B3GALT1: variants seen among roughly 807,000 people sequenced by gnomAD.
The protein encoded by B3GALT1 is UDP-Gal:betaGlcNAc beta 1,3-galactosyltransferase, polypeptide 1.
A neutral mutation model predicts 23.2 loss-of-function variants in B3GALT1; 10 were observed. The observed-to-expected ratio is 0.43, with a 90% CI of 0.27 to 0.73. B3GALT1 has a LOEUF of 0.73. B3GALT1 is among the 30% of genes least tolerant of loss of function. The pLI, the probability that B3GALT1 is intolerant of heterozygous loss-of-function variation, is 0.21. For synonymous variants in B3GALT1, 156 were observed against 141.5 expected (o/e 1.10, Z -0.73); for missense variants, 299 against 405.4 (o/e 0.74, Z 2.25).
In B3GALT1 at chr2:167,295,008, G is replaced by A. The variant is rs1696325580; in HGVS notation, c.-511+1674G>A. Among the ~76,000 whole-genome samples the A allele has an allele frequency of 2.0e-5, 3 of 152,140 alleles. No homozygotes were observed. The South Asian group carries it at 6.2e-4, about 32-fold the overall frequency. ...AATCAGGAGGGAGCTGTCCAAATAT[G>A]TCAGGCATTTTTCGATAGTTATTTT... is the stretch of plus-strand genomic sequence containing the variant. On this transcript the variant is annotated intron_variant, in intron 1 of 4. Coordinates refer to ENST00000392690, the MANE Select transcript of B3GALT1 (RefSeq NM_020981.4).
At chr2:167,756,540 T>A (rs2105292738) in intron 3 of B3GALT1, among the ~76,000 whole-genome samples, 1 of 152,330 alleles carries the variant, frequency 6.6e-6, no homozygotes, top group East Asian at 1.9e-4. Flanking sequence ...CATCTCTAAT[T>A]AATTTTGGCT....
At chr2:167,759,382 A>C (rs1280706664) in intron 3 of B3GALT1, among the ~76,000 whole-genome samples, 1 of 152,220 alleles carries the variant, frequency 6.6e-6, no homozygotes, top group East Asian at 1.9e-4. Flanking sequence ...GAACCGCTAC[A>C]TAGTCTGATG....
chr2:167,676,554 C>T (rs986920881), intron 3 of B3GALT1, among the ~76,000 whole-genome samples: 70 of 126,354 alleles, frequency 5.5e-4, no homozygotes, highest in East Asian at 1.6e-3. Context: ...CACACACACA[C>T]ATATATATGT....
chr2:167,690,235 TA>T (rs1376244799), intron 3 of B3GALT1, among the ~76,000 whole-genome samples: 1 of 151,956 alleles, frequency 6.6e-6, no homozygotes, highest in Non-Finnish European at 1.5e-5. Flanking sequence ...ATTAATACTA[TA>T]AAATATGAAC....
intron 1 of B3GALT1, among the ~76,000 whole-genome samples, chr2:167,392,424 A>G (rs778016728): frequency 6.6e-6 from 1 of 152,146 alleles, no homozygotes; most frequent in Non-Finnish European, 1.5e-5. Flanking sequence ...AGAGTATCAT[A>G]CAATATATAT....
chr2:167,408,932 A>G (rs796867198), intron 1 of B3GALT1, among the ~76,000 whole-genome samples: 23 of 152,318 alleles, frequency 1.5e-4, no homozygotes, highest in African/African-American at 5.3e-4. Context: ...TATTGTGAAA[A>G]TGGGCAATAC....
At chr2:167,760,199 A>G (rs144824693) in intron 3 of B3GALT1, among the ~76,000 whole-genome samples, 4 of 152,296 alleles carry the variant, frequency 2.6e-5, no homozygotes, top group African/African-American at 9.6e-5. Context: ...ATTTTTTGCT[A>G]TGCAACTGTT....
At chr2:167,698,210 C>T (rs755073630) in intron 3 of B3GALT1, among the ~76,000 whole-genome samples, 5 of 152,078 alleles carry the variant, frequency 3.3e-5, no homozygotes, top group Non-Finnish European at 5.9e-5. Context: ...ACATCTTGGT[C>T]ATTGTGGATA....
rs550712256 is a variant in B3GALT1 at position 167,364,047 on chromosome 2, C to A, written c.-511+70713C>A. Among the ~76,000 whole-genome samples, 42 of 151,524 alleles carry A rather than the reference C, an allele frequency of 2.8e-4. 1 individual carries two copies. The East Asian group carries it at 8.2e-3, about 30-fold the overall frequency. The stretch of plus-strand genomic sequence containing the variant: ...GGCATGGCGGCTGGCACCTATAATC[C>A]CAGTTACTCGGGAGGATGAGTCAGG... On this transcript the variant is annotated intron_variant, in intron 1 of 4. Transcript: ENST00000392690.
At chr2:167,483,631 G>C (rs769872497) in intron 1 of B3GALT1, among the ~76,000 whole-genome samples, 1 of 152,174 alleles carries the variant, frequency 6.6e-6, no homozygotes, top group Non-Finnish European at 1.5e-5. Context: ...TTGCAGTGGA[G>C]AGAAAGATCA....
intron 2 of B3GALT1, among the ~76,000 whole-genome samples, chr2:167,518,035 AC>A (rs992947548): frequency 6.6e-6 from 1 of 152,126 alleles, no homozygotes; most frequent in African/African-American, 2.4e-5. Context: ...AACAACAACA[AC>A]AAAAAAAATT....
intron 1 of B3GALT1, among the ~76,000 whole-genome samples, chr2:167,387,025 C>CAT (rs760542073): frequency 1.3e-5 from 2 of 152,260 alleles, no homozygotes; most frequent in South Asian, 2.1e-4. Context: ...CATATCATAT[C>CAT]ATATCATTTC....
At chr2:167,597,111 G>GT (rs1354123455) in intron 2 of B3GALT1, among the ~76,000 whole-genome samples, 16 of 135,604 alleles carry the variant, frequency 1.2e-4, no homozygotes, top group African/African-American at 4.4e-4. Flanking sequence ...TTTGTTTTTT[G>GT]TTTTTGTTTT....
intron 3 of B3GALT1, among the ~76,000 whole-genome samples, chr2:167,670,960 A>T (rs1442785415): frequency 6.6e-6 from 1 of 152,148 alleles, no homozygotes; most frequent in African/African-American, 2.4e-5. Context: ...AGAGAGAAAG[A>T]ATGTATATAG....
intron 1 of B3GALT1, among the ~76,000 whole-genome samples, chr2:167,342,755 TCCGTGTACATGGCCTGGTA>T (rs1350804548): frequency 1.3e-5 from 2 of 152,166 alleles, no homozygotes; most frequent in African/African-American, 4.8e-5. Context: ...AATTCCGATT[TCCGTGTACATGGCCTGGTA>T]TGTATTCTAA....
intron 1 of B3GALT1, among the ~76,000 whole-genome samples, chr2:167,374,332 A>G (rs1218507075): frequency 6.6e-6 from 1 of 152,210 alleles, no homozygotes. Flanking sequence ...ATGCAAGTGC[A>G]TGGGTCTTTT....
chr2:167,600,000 A>T (rs72872885), intron 2 of B3GALT1, among the ~76,000 whole-genome samples: 35 of 152,356 alleles, frequency 2.3e-4, no homozygotes, highest in Non-Finnish European at 5.0e-4. Context: ...TGTCTCCCGT[A>T]TGCTAAATGC....
At chr2:167,750,135 A>G (rs985756823) in intron 3 of B3GALT1, among the ~76,000 whole-genome samples, 2 of 152,198 alleles carry the variant, frequency 1.3e-5, no homozygotes, top group Non-Finnish European at 2.9e-5. Context: ...AAATTTTGCT[A>G]TCAGGTTCAA....
chr2:167,828,947 A>G (rs560015298), intron 4 of B3GALT1, among the ~76,000 whole-genome samples: 1 of 152,296 alleles, frequency 6.6e-6, no homozygotes, highest in Admixed American at 6.5e-5. Flanking sequence ...ATAAGTTGTC[A>G]TGCTGTCCCT....
Sources: allele counts gnomAD v4.1 joint callset (sites outside exome capture counted in the v4.1 genomes callset), GRCh38; gene constraint gnomAD v4.1.1; transcripts MANE v1.5; gene names NCBI Gene and HGNC (gene_info 2026-07-23, HGNC 2026-07-21).